RAPH1: variants seen among roughly 807,000 people sequenced by gnomAD.
RAPH1 encodes the protein ras-associated and pleckstrin homology domains-containing protein 1.
RAPH1 carries 18 observed loss-of-function variants against 88.1 expected under a neutral mutation model. That is an observed-to-expected ratio of 0.20 (90% CI 0.14 to 0.30). The LOEUF (loss-of-function observed/expected upper bound fraction) is 0.30, where lower values mean the gene tolerates loss of function less well. Among genes scored for constraint, RAPH1 ranks in the 10% least tolerant of loss-of-function variants. RAPH1 has a pLI of 1.00. For synonymous variants in RAPH1, 587 were observed against 559.0 expected (o/e 1.05, Z -0.71); for missense variants, 1,448 against 1,543.2 (o/e 0.94, Z 1.03).
At chr2:203,488,910 G>A (rs1376941006) in intron 4 of RAPH1, among the ~76,000 whole-genome samples, 1 of 152,102 alleles carries the variant, frequency 6.6e-6, no homozygotes, top group African/African-American at 2.4e-5. Flanking sequence ...GATCACCTGA[G>A]GTCAGGAGTT....
intron 4 of RAPH1, among the ~76,000 whole-genome samples, chr2:203,466,381 TTTAACTA>T (rs1210397701): frequency 3.3e-5 from 5 of 152,312 alleles, no homozygotes; most frequent in African/African-American, 9.6e-5. Context: ...CACCATATCT[TTTAACTA>T]TTAACAACCT....
At chr2:203,460,061 G>A (rs2153641046) in intron 6 of RAPH1, 33 bp from the exon 7 acceptor site, 1 of 1,576,758 alleles carries the variant, frequency 6.3e-7, no homozygotes, top group Non-Finnish European at 8.6e-7. Flanking sequence ...TATTTTGTTA[G>A]TATTCATTAG....
chr2:203,475,379 C>T (rs1244720247), intron 4 of RAPH1, among the ~76,000 whole-genome samples: 1 of 152,014 alleles, frequency 6.6e-6, no homozygotes, highest in Non-Finnish European at 1.5e-5. Context: ...TGCACTCCAG[C>T]CTGGGTGACA....
intron 1 of RAPH1, among the ~76,000 whole-genome samples, chr2:203,503,261 C>T (rs1031712320): frequency 3.3e-5 from 5 of 151,948 alleles, no homozygotes; most frequent in African/African-American, 9.7e-5. Flanking sequence ...TCTATTAAAC[C>T]GCAAACAGGA....
chr2:203,483,189 T>C (rs1687808151), intron 4 of RAPH1, among the ~76,000 whole-genome samples: 1 of 152,226 alleles, frequency 6.6e-6, no homozygotes, highest in South Asian at 2.1e-4. Context: ...AGAGATGATC[T>C]GACTTATCTT....
chr2:203,461,567 C>CAGAT (rs2098524270), intron 5 of RAPH1, among the ~76,000 whole-genome samples, 159 bp from the exon 6 acceptor site: 1 of 126,604 alleles, frequency 7.9e-6, no homozygotes, highest in Non-Finnish European at 1.8e-5. Context: ...AAAAATCAGA[C>CAGAT]ATCAAATAAC....
intron 8 of RAPH1, 47 bp from the exon 9 acceptor site, chr2:203,455,627 C>T (rs1188264884): frequency 6.3e-7 from 1 of 1,581,862 alleles, no homozygotes; most frequent in East Asian, 2.2e-5. Context: ...GTTGGATTCT[C>T]AGAACAAAGT....
intron 1 of RAPH1, among the ~76,000 whole-genome samples, chr2:203,510,894 A>G (rs1441049662): frequency 6.6e-6 from 1 of 152,184 alleles, no homozygotes; most frequent in Non-Finnish European, 1.5e-5. Context: ...CTCTGTCTGT[A>G]TTAAAAAATA....
At chr2:203,478,399 T>C (rs2105772920) in intron 4 of RAPH1, among the ~76,000 whole-genome samples, 1 of 152,250 alleles carries the variant, frequency 6.6e-6, no homozygotes, top group East Asian at 1.9e-4. Flanking sequence ...TACCACACTG[T>C]ACCAAAATCA....
At chr2:203,441,842 T>A in intron 13 of RAPH1, 1 of 1,332,096 alleles carries the variant, frequency 7.5e-7, no homozygotes. Context: ...CATGACTGCA[T>A]CCACATCAAG....
chr2:203,503,165 C>A (rs1343013899), intron 1 of RAPH1, among the ~76,000 whole-genome samples: 2 of 151,838 alleles, frequency 1.3e-5, no homozygotes, highest in Non-Finnish European at 2.9e-5. Context: ...AACAAACAAA[C>A]AAAAAAATGA....
Position 203,444,862 on chromosome 2 carries a change from T to C in RAPH1, c.1776+6A>G. The C allele has an allele frequency of 6.2e-7, 1 of 1,611,588 alleles. No individual in the cohort carries two copies. Among genetic ancestry groups the C allele is most frequent in the Non-Finnish European group, 8.5e-7 (1 of 1,179,302 alleles). On this transcript the variant is annotated splice_donor_region_variant and intron_variant, in intron 13 of 13. Coordinates refer to ENST00000319170, the MANE Select transcript of RAPH1 (RefSeq NM_213589.3). ...TTTTCAATGTAAATTAAAACGAAGC[T>C]GTTACCTTGCTGGACTCTTCCAACT...
At position 203,503,037 on chromosome 2, in the gene RAPH1, G is replaced by A. The variant is rs530098128; in HGVS notation, c.1-7684C>T. 1.8e-3 allele frequency among the ~76,000 whole-genome samples: 269 copies of A among 152,058 alleles called. 2 individuals carry two copies. The highest frequency in any genetic ancestry group is 5.7e-3 in the African/African-American group (237 of 41,494). Reference sequence around the variant, plus strand: ...CAGGCACCTGTAATCCCAGCTACTCGGGAGGCTGAGGCAGGAGAATCACTT... The same window carrying A: ...CAGGCACCTGTAATCCCAGCTACTCAGGAGGCTGAGGCAGGAGAATCACTT... On this transcript the variant is annotated intron_variant, in intron 1 of 13. Transcript: ENST00000319170.
At chr2:203,455,045 G>C (rs867228306) in intron 9 of RAPH1, among the ~76,000 whole-genome samples, 1 of 152,128 alleles carries the variant, frequency 6.6e-6, no homozygotes, top group South Asian at 2.1e-4. Flanking sequence ...GTGCCAATAA[G>C]CACCGAAGTG....
intron 1 of RAPH1, among the ~76,000 whole-genome samples, chr2:203,529,006 T>TATATATATATATATATATATA (rs1553633902): frequency 2.2e-5 from 1 of 46,098 alleles, no homozygotes; most frequent in African/African-American, 1.2e-4. Flanking sequence ...TATATATATA[T>TATATATATATATATATATATA]TTTTTTTTTT....
Position 203,437,065 on chromosome 2 carries a change from T to C in RAPH1, c.*2372A>G, listed in dbSNP as rs994242138. On this transcript the variant is annotated 3_prime_UTR_variant, in exon 14 of 14. Coordinates refer to ENST00000319170, the MANE Select transcript of RAPH1 (RefSeq NM_213589.3). ...TAGCCTTACTCTCTTCCTGGCATCA[T>C]TAGTGTTCAAAAGGATGTCTGCTAT... The C allele has an allele frequency of 1.3e-4, 20 of 151,744 alleles. No homozygotes were observed. Among genetic ancestry groups the C allele is most frequent in the African/African-American group, 4.4e-4 (18 of 41,020 alleles). 9.4% of individuals were successfully genotyped at this position (151,744 alleles called of 1,614,324 possible).
At chr2:203,444,134 GAA>G (rs965498757) in intron 13 of RAPH1, 4 of 145,422 alleles carry the variant, frequency 2.8e-5, no homozygotes, top group Non-Finnish European at 5.9e-5. Flanking sequence ...AAAAAGAAGA[GAA>G]AAAAAGAGAG....
intron 1 of RAPH1, among the ~76,000 whole-genome samples, chr2:203,504,367 A>AGCTGCCAAGGCTTGGG (rs1190821811): frequency 6.6e-6 from 1 of 152,232 alleles, no homozygotes; most frequent in Non-Finnish European, 1.5e-5. Context: ...ACCACATGGA[A>AGCTGCCAAGGCTTGGG]GCTGCCAAGG....
chr2:203,514,833 C>T (rs909357350), intron 1 of RAPH1, among the ~76,000 whole-genome samples: 25 of 152,192 alleles, frequency 1.6e-4, no homozygotes, highest in African/African-American at 5.8e-4. Context: ...GGCTTACAGG[C>T]ATGAGCCACC....
Sources: gnomAD v4.1 joint callset for allele counts (sites outside exome capture counted in the v4.1 genomes callset) on GRCh38, gnomAD v4.1.1 for gene constraint, MANE v1.5 for transcripts, NCBI Gene and HGNC (gene_info 2026-07-23, HGNC 2026-07-21) for gene names.